Variants in IQCM observed in about 807,000 individuals in gnomAD.
The protein encoded by IQCM is IQ motif containing M.
A neutral mutation model predicts 57.6 loss-of-function variants in IQCM; 45 were observed. The observed-to-expected ratio is 0.78, with a 90% CI of 0.62 to 1.00. The LOEUF is 1.00. Ranked by LOEUF, IQCM falls within the 50% of genes least tolerant of loss-of-function variation. IQCM has a pLI of 0.00. For missense variants in IQCM, 468 were observed against 511.6 expected (o/e 0.91, Z 0.82); for synonymous variants, 148 against 158.9 (o/e 0.93, Z 0.51).
At chr4:149,749,590 T>C (rs751844074) in intron 2 of IQCM, among the ~76,000 whole-genome samples, 11 of 151,822 alleles carry the variant, frequency 7.2e-5, no homozygotes, top group Non-Finnish European at 1.5e-4. Flanking sequence ...TTCCAGGGGG[T>C]AGGCATTTCT....
intron 9 of IQCM, among the ~76,000 whole-genome samples, chr4:149,565,097 C>G (rs1750488136): frequency 1.3e-5 from 2 of 152,022 alleles, no homozygotes; most frequent in Non-Finnish European, 2.9e-5. Context: ...TTTATTTCTG[C>G]CCTCTCACAA....
intron 12 of IQCM, among the ~76,000 whole-genome samples, chr4:149,493,197 T>C (rs1742282890): frequency 6.6e-6 from 1 of 152,270 alleles, no homozygotes; most frequent in East Asian, 1.9e-4. Flanking sequence ...TAACAACCTT[T>C]AAATACTTTA....
rs571645054 is a variant in IQCM, at chr4:149,535,551, A to T, written c.1228+12904T>A. On this transcript the variant is annotated intron_variant, in intron 12 of 13. Transcript: ENST00000636793. ...CTCTAACAGACTTATGAAAGTAATT[A>T]TACCTTTATTGAAGTTACACCATTC... Among the ~76,000 whole-genome samples, 9 of 152,232 alleles carry T rather than the reference A, an allele frequency of 5.9e-5. No individual in the cohort carries two copies. The South Asian group carries it at 1.9e-3, about 32-fold the overall frequency.
intron 5 of IQCM, among the ~76,000 whole-genome samples, chr4:149,687,107 C>G (rs1762595355): frequency 6.6e-6 from 1 of 151,574 alleles, no homozygotes; most frequent in South Asian, 2.1e-4. Context: ...AACTATTGAG[C>G]ACCTTCTAGC....
At chr4:149,774,186 TA>T (rs934478136) in intron 2 of IQCM, among the ~76,000 whole-genome samples, 6 of 151,804 alleles carry the variant, frequency 4.0e-5, no homozygotes, top group African/African-American at 1.5e-4. Context: ...ATTGACCAGG[TA>T]AAAAAAAATT....
intron 7 of IQCM, among the ~76,000 whole-genome samples, chr4:149,623,724 T>G (rs1035466746): frequency 6.6e-6 from 1 of 151,634 alleles, no homozygotes; most frequent in African/African-American, 2.4e-5. Context: ...CCCAGGTGTG[T>G]GTGTGTGTGT....
chr4:149,564,290 G>C (rs117097149), intron 9 of IQCM, among the ~76,000 whole-genome samples: 2 of 152,126 alleles, frequency 1.3e-5, no homozygotes, highest in African/African-American at 4.8e-5. Context: ...TTAACCAAAC[G>C]TCATCAGAAA....
intron 11 of IQCM, among the ~76,000 whole-genome samples, chr4:149,551,537 G>C (rs1248873917): frequency 1.3e-5 from 2 of 152,126 alleles, no homozygotes; most frequent in African/African-American, 4.8e-5. Context: ...AAGACTAATT[G>C]AGTAAAATAG....
intron 13 of IQCM, among the ~76,000 whole-genome samples, chr4:149,368,841 T>C (rs541038377): frequency 3.7e-5 from 3 of 80,484 alleles, no homozygotes; most frequent in Non-Finnish European, 7.3e-5. Context: ...TGTATATATA[T>C]ACATATATAT....
intron 5 of IQCM, among the ~76,000 whole-genome samples, chr4:149,720,708 A>G (rs1234947880): frequency 1.3e-5 from 2 of 152,210 alleles, no homozygotes; most frequent in Non-Finnish European, 2.9e-5. Flanking sequence ...GAAGAAATAC[A>G]GCAATCTAAA....
intron 5 of IQCM, among the ~76,000 whole-genome samples, chr4:149,707,172 G>A (rs1217481229): frequency 1.3e-5 from 2 of 152,086 alleles, no homozygotes; most frequent in Middle Eastern, 3.4e-3. Context: ...TAGCAGTGAG[G>A]TAAACTGGCT....
chr4:149,467,056 G>A (rs1043336892), intron 12 of IQCM, among the ~76,000 whole-genome samples: 9 of 152,072 alleles, frequency 5.9e-5, no homozygotes, highest in Admixed American at 5.9e-4. Context: ...TCTTTTGGGG[G>A]GGCACATATT....
chr4:149,801,219 CAA>C (rs1312817841), intron 2 of IQCM, among the ~76,000 whole-genome samples: 2 of 151,676 alleles, frequency 1.3e-5, no homozygotes, highest in East Asian at 3.9e-4. Flanking sequence ...GGCTTATATT[CAA>C]AAGACAGGCA....
chr4:149,529,449 C>T (rs922120949), intron 12 of IQCM, among the ~76,000 whole-genome samples: 2 of 152,078 alleles, frequency 1.3e-5, no homozygotes, highest in Non-Finnish European at 1.5e-5. Flanking sequence ...CTTGGGTTGG[C>T]GACATATTTT....
At chr4:149,481,701 G>GTTTTGTT (rs1740817619) in intron 12 of IQCM, among the ~76,000 whole-genome samples, 4 of 51,550 alleles carry the variant, frequency 7.8e-5, no homozygotes, top group African/African-American at 3.0e-4. Context: ...TTCCAGTTTT[G>GTTTTGTT]TTTTTTTTTT....
intron 9 of IQCM, among the ~76,000 whole-genome samples, chr4:149,572,445 C>G (rs899598704): frequency 2.0e-5 from 3 of 151,782 alleles, no homozygotes; most frequent in Non-Finnish European, 4.4e-5. Flanking sequence ...CATCACTAAG[C>G]CTGGCTCATT....
At chr4:149,415,495 C>A (rs1733685655) in intron 13 of IQCM, among the ~76,000 whole-genome samples, 2 of 152,256 alleles carry the variant, frequency 1.3e-5, no homozygotes, top group South Asian at 2.1e-4. Context: ...GAAATATTCA[C>A]AAGGAAGACA....
At chr4:149,723,211 A>G (rs1208976038) in intron 5 of IQCM, among the ~76,000 whole-genome samples, 2 of 152,040 alleles carry the variant, frequency 1.3e-5, no homozygotes, top group African/African-American at 4.8e-5. Flanking sequence ...TTTTCTACAT[A>G]TAAGATCATA....
intron 12 of IQCM, among the ~76,000 whole-genome samples, chr4:149,445,679 T>G (rs1191075147): frequency 6.6e-6 from 1 of 151,774 alleles, no homozygotes; most frequent in Non-Finnish European, 1.5e-5. Context: ...TTTATCTGTA[T>G]CGTTACTCTA....
Sources: allele counts gnomAD v4.1 joint callset (sites outside exome capture counted in the v4.1 genomes callset), GRCh38; gene constraint gnomAD v4.1.1; transcripts MANE v1.5; gene names NCBI Gene and HGNC (gene_info 2026-07-23, HGNC 2026-07-21).